Variants in NOTCH2 observed in about 807,000 individuals in gnomAD.
NOTCH2 encodes neurogenic locus notch homolog protein 2.
NOTCH2 carries 29 observed loss-of-function variants against 235.8 expected under a neutral mutation model. The observed-to-expected ratio is 0.12, with a 90% CI of 0.09 to 0.17. NOTCH2 has a LOEUF of 0.17. Ranked by LOEUF, NOTCH2 falls within the 10% of genes least tolerant of loss-of-function variation. The pLI is 1.00. For synonymous variants in NOTCH2, 1,086 were observed against 1,141.5 expected, an observed-to-expected ratio of 0.95 and a Z score of 0.98; for missense variants, 2,285 against 3,150.2, an observed-to-expected ratio of 0.73 and a Z score of 6.57.
At position 119,969,667 on chromosome 1, in the gene NOTCH2, G is replaced by T. The variant is rs782230202; in HGVS notation, c.952C>A (p.Arg318Ser). Reference protein sequence around the residue: ...ACQNGGTCANRNGGYGCVCVN... With the variant: ...ACQNGGTCANSNGGYGCVCVN... ...CATACACAGCCATAGCCTCCATTGC[G>T]GTTGGCACAGGTGCCCCCATTTTGA... The change falls in exon 6 of 34, where the codon CGC (arginine) becomes AGC (serine). Residue 318 changes from arginine to serine, a missense_variant. Around this residue, in one of 6 missense-constraint regions of NOTCH2, gnomAD observed 431 missense variants for 757.8 expected, o/e 0.57. Coordinates refer to ENST00000256646, the MANE Select transcript of NOTCH2 (RefSeq NM_024408.4). 1 of 1,613,984 alleles carries T rather than the reference G, an allele frequency of 6.2e-7. No individual in the cohort carries two copies. The highest frequency in any genetic ancestry group is 8.5e-7 in the Non-Finnish European group (1 of 1,180,000).
rs138122751 is a variant in NOTCH2, at chr1:119,935,474, C to T, written c.3653G>A (p.Arg1218Gln). 24 of 1,614,038 alleles carry T rather than the reference C, an allele frequency of 1.5e-5. No individual in the cohort carries two copies. Among genetic ancestry groups the T allele is most frequent in the East Asian group, 2.2e-5 (1 of 44,894 alleles). ...AATGGATAAGGATGATTTCATACCC[C>T]GAGTGCCTGGTGGGCAAGAGCACTT... ...HFKCSCPPGT[R>Q]GLLCEENIDD... is the part of the protein sequence containing the mutation. The change falls in exon 22 of 34, where the codon CGG becomes CAG. Residue 1218 changes from arginine (R) to glutamine (Q), a missense_variant and splice_region_variant. By Grantham distance (43) the Arg-to-Gln change is conservative. Transcript: ENST00000256646.
At chr1:120,024,008 AAGATTACTC>A (rs1454318160) in intron 2 of NOTCH2, among the ~76,000 whole-genome samples, 2 of 152,068 alleles carry the variant, frequency 1.3e-5, no homozygotes, top group Non-Finnish European at 2.9e-5. Context: ...ATTTTAAGAA[AAGATTACTC>A]TATGAGAGGT....
chr1:119,937,191 G>A lies in NOTCH2; in HGVS notation c.3522+91C>T, dbSNP rs587745996. On this transcript the variant is annotated intron_variant, in intron 21 of 33. Coordinates refer to ENST00000256646, the MANE Select transcript of NOTCH2 (RefSeq NM_024408.4). Reference sequence around the variant, plus strand: ...AAAAATCTATAAACTATCAATATAAGATACAAGCAGCTAAATTCAATATAT... The same window carrying A: ...AAAAATCTATAAACTATCAATATAAAATACAAGCAGCTAAATTCAATATAT... 8.8e-6 allele frequency: 11 copies of A among 1,255,564 alleles called. No homozygotes were observed. In the South Asian group the frequency reaches 1.2e-4, roughly 14 times the overall value. The allele number at this position is 1,255,564 out of a possible 1,614,324, so 77.8% of individuals were successfully genotyped here. A position where few individuals can be genotyped will look rare whatever the true frequency, so the allele number is the denominator to read the frequency against.
At position 119,941,712 on chromosome 1, in the gene NOTCH2, G is replaced by T; in HGVS notation, c.2795C>A (p.Thr932Asn). 1 of 1,614,148 alleles carries T rather than the reference G, an allele frequency of 6.2e-7. No homozygotes were observed. The highest frequency in any genetic ancestry group is 1.1e-5 in the South Asian group (1 of 91,088). ...NGGSCMDGVN[T>N]FSCLCLPGFT... is the part of the protein sequence containing the mutation. ...ACCCGGAAGGCAGAGGCAGGAGAAA[G>T]TATTCACTCCATCCATACAGGAACC... The change falls in exon 18 of 34, where the codon ACT (threonine) becomes AAT (asparagine). Residue 932 changes from threonine (T) to asparagine (N), a missense_variant. Thr to Asn is a moderately conservative substitution (Grantham distance 65). Around this residue, in one of 6 missense-constraint regions of NOTCH2, gnomAD observed 1,173 missense variants for 1,515.3 expected, o/e 0.77. Coordinates refer to ENST00000256646, the MANE Select transcript of NOTCH2 (RefSeq NM_024408.4).
chr1:119,915,194 C>A lies in NOTCH2; in HGVS notation c.*112G>T. The A allele has an allele frequency of 1.8e-6, 2 of 1,127,980 alleles. No individual in the cohort carries two copies. The highest frequency in any genetic ancestry group is 2.7e-6 in the Non-Finnish European group (2 of 751,686). The allele number at this position is 1,127,980 out of a possible 1,614,324, so 69.9% of individuals were successfully genotyped here. ...AATAAGAACATCTTCTCTTTCCTACCTCTAGAAGCTGGCTCCAGAGATTTC... is the reference window on the plus strand; with the variant it reads ...AATAAGAACATCTTCTCTTTCCTACATCTAGAAGCTGGCTCCAGAGATTTC... On this transcript the variant is annotated 3_prime_UTR_variant, in exon 34 of 34. Coordinates refer to ENST00000256646, the MANE Select transcript of NOTCH2 (RefSeq NM_024408.4).
intron 5 of NOTCH2, among the ~76,000 whole-genome samples, chr1:119,984,232 A>C (rs587662895): frequency 2.6e-5 from 4 of 152,330 alleles, no homozygotes; most frequent in Non-Finnish European, 4.4e-5. Flanking sequence ...CTATTAAAAA[A>C]CACCCCAAGT....
chr1:120,001,333 C>T (rs587669667), intron 3 of NOTCH2, among the ~76,000 whole-genome samples: 24 of 152,098 alleles, frequency 1.6e-4, no homozygotes, highest in African/African-American at 3.1e-4. Flanking sequence ...ATTAGTCTTT[C>T]GCCCCTACAC....
chr1:119,922,019 C>T (rs1649301327), intron 28 of NOTCH2, among the ~76,000 whole-genome samples: 1 of 152,120 alleles, frequency 6.6e-6, no homozygotes, highest in Admixed American at 6.5e-5. Context: ...AAAAGGGCAC[C>T]TCAACACAGA....
chr1:120,029,007 G>A (rs1392234818), intron 2 of NOTCH2, among the ~76,000 whole-genome samples: 1 of 151,002 alleles, frequency 6.6e-6, no homozygotes, highest in Non-Finnish European at 1.5e-5. Context: ...GATGGTTGGA[G>A]AAAAAGGAAA....
rs782723019 is a variant in NOTCH2 at position 120,005,354 on chromosome 1, C to T, written c.390G>A (p.Glu130=). The change falls in exon 3 of 34, where the codon GAG becomes GAA. Residue 130 remains glutamate (E), a synonymous_variant. Transcript: ENST00000256646. The part of the protein sequence containing the change: ...TCHMLSRDTY[E]CTCQVGFTGK... The stretch of plus-strand genomic sequence containing the variant: ...CTGTAAACCCGACTTGACAGGTGCA[C>T]TCATAGGTATCCCGGCTGAGCATAT... The T allele has an allele frequency of 1.2e-5, 20 of 1,614,052 alleles. No individual in the cohort carries two copies. The South Asian group carries it at 1.6e-4, about 13-fold the overall frequency.
chr1:119,963,903 G>A (rs370094961), intron 10 of NOTCH2, 96 bp from the exon 11 acceptor site: 20 of 1,040,752 alleles, frequency 1.9e-5, no homozygotes, highest in East Asian at 9.8e-5. Flanking sequence ...CTACACATTC[G>A]ATGTGTGGTC....
chr1:119,926,460 A>T (rs1179483886), intron 24 of NOTCH2, 39 bp downstream of exon 24: 1 of 1,370,504 alleles, frequency 7.3e-7, no homozygotes, highest in Non-Finnish European at 1.0e-6. Flanking sequence ...TGTATGGAAG[A>T]GACAATGCCC....
chr1:119,970,494 A>G (rs1493695), intron 5 of NOTCH2, among the ~76,000 whole-genome samples: 46,885 of 152,032 alleles, frequency 0.31, 12,684 homozygotes, highest in African/African-American at 0.73. Flanking sequence ...AAGAAGACAA[A>G]GAAAGTCCAC....
chr1:119,967,269 GA>G (rs1458474820), intron 8 of NOTCH2, among the ~76,000 whole-genome samples, 163 bp downstream of exon 8: 1 of 152,116 alleles, frequency 6.6e-6, no homozygotes, highest in Non-Finnish European at 1.5e-5. Flanking sequence ...TTTGAGTAAG[GA>G]AGGTTTGCTT....
intron 5 of NOTCH2, among the ~76,000 whole-genome samples, chr1:119,985,442 T>C (rs1651978907): frequency 6.6e-6 from 1 of 152,186 alleles, no homozygotes; most frequent in Admixed American, 6.5e-5. Context: ...AAAAAAATCA[T>C]TTCACTGGGG....
intron 14 of NOTCH2, among the ~76,000 whole-genome samples, chr1:119,952,390 T>C (rs1553197901): frequency 6.6e-6 from 1 of 152,186 alleles, no homozygotes; most frequent in East Asian, 1.9e-4. Flanking sequence ...TACACTGTAA[T>C]ATACAATGAA....
At chr1:119,927,728 T>C (rs976916906) in intron 23 of NOTCH2, among the ~76,000 whole-genome samples, 2 of 152,212 alleles carry the variant, frequency 1.3e-5, no homozygotes, top group African/African-American at 4.8e-5. Flanking sequence ...AAAGTGCAGT[T>C]TGGCCAATAC....
intron 4 of NOTCH2, chr1:119,996,692 T>C (rs782251881): frequency 1.8e-6 from 2 of 1,139,954 alleles, no homozygotes; most frequent in Admixed American, 3.4e-5. Flanking sequence ...TCTTTTCCAT[T>C]CCAGACTTGC....
rs1176099161 is a variant in NOTCH2 at position 119,913,453 on chromosome 1, C to T, written c.*1853G>A. 1 of 233,146 alleles carries T rather than the reference C, an allele frequency of 4.3e-6. No individual in the cohort carries two copies. Among genetic ancestry groups the T allele is most frequent in the East Asian group, 6.0e-5 (1 of 16,602 alleles). 14.4% of individuals were successfully genotyped at this position (233,146 alleles called of 1,614,324 possible). ...TCAAACCAAAAGAGTCGGGAATTCA[C>T]CTGTTAATATCTACAAAATGCCCAG... On this transcript the variant is annotated 3_prime_UTR_variant, in exon 34 of 34. Transcript: ENST00000256646.
Sources: allele counts gnomAD v4.1 joint callset (sites outside exome capture counted in the v4.1 genomes callset), GRCh38; gene constraint gnomAD v4.1.1; regional missense constraint gnomAD v4.1.1; transcripts MANE v1.5; gene names NCBI Gene and HGNC (gene_info 2026-07-23, HGNC 2026-07-21).